The following FTO variants were observed in gnomAD, a reference collection of about 807,000 sequenced individuals.
The protein encoded by FTO is FTO alpha-ketoglutarate dependent dioxygenase, also known as alpha-ketoglutarate-dependent dioxygenase FTO.
In FTO, 47 loss-of-function variants were observed where a neutral mutation model predicts 63.9. The ratio of observed to expected loss-of-function variants is 0.74; its 90% confidence interval spans 0.58 to 0.94. The LOEUF is 0.94. Among genes scored for constraint, FTO ranks in the 40% least tolerant of loss-of-function variants. The probability of loss-of-function intolerance (pLI) is 0.00; values close to 1 mark genes in which losing one functional copy is unlikely to be tolerated. For synonymous variants in FTO, 207 were observed against 224.4 expected (o/e 0.92, Z 0.69); for missense variants, 562 against 618.1 (o/e 0.91, Z 0.96).
intron 4 of FTO, among the ~76,000 whole-genome samples, chr16:53,848,982 T>C (rs2079711887): frequency 6.6e-6 from 1 of 152,246 alleles, no homozygotes. Flanking sequence ...TTGTTGTTAC[T>C]ATACCAATCA....
intron 8 of FTO, among the ~76,000 whole-genome samples, chr16:54,094,201 G>T (rs1487876534): frequency 6.6e-6 from 1 of 152,174 alleles, no homozygotes; most frequent in South Asian, 2.1e-4. Flanking sequence ...AAGATGCCCA[G>T]GTGGGAAACT....
chr16:54,001,055 C>T (rs1009408018), intron 8 of FTO, among the ~76,000 whole-genome samples: 3 of 152,134 alleles, frequency 2.0e-5, no homozygotes, highest in Non-Finnish European at 2.9e-5. Context: ...TATTCCAAGA[C>T]CTTTTCTAGT....
intron 8 of FTO, among the ~76,000 whole-genome samples, chr16:53,959,030 ATAATAC>A (rs1189872775): frequency 6.6e-6 from 1 of 152,216 alleles, no homozygotes; most frequent in African/African-American, 2.4e-5. Flanking sequence ...CTAAATAATA[ATAATAC>A]TAACTAGTAC....
chr16:53,779,676 AAGTCTGGGTC>A (rs1334109969), intron 1 of FTO, among the ~76,000 whole-genome samples: 2 of 152,224 alleles, frequency 1.3e-5, no homozygotes, highest in Non-Finnish European at 2.9e-5. Context: ...TGTAGTGGTA[AAGTCTGGGTC>A]AGCTTTTAGT....
chr16:54,053,159 T>C (rs1458364407), intron 8 of FTO, among the ~76,000 whole-genome samples: 1 of 152,230 alleles, frequency 6.6e-6, no homozygotes, highest in African/African-American at 2.4e-5. Context: ...TGTGTCCATC[T>C]TTCCTCTCTG....
intron 1 of FTO, among the ~76,000 whole-genome samples, chr16:53,809,083 G>T (rs963728434): frequency 6.6e-6 from 1 of 152,138 alleles, no homozygotes; most frequent in African/African-American, 2.4e-5. Flanking sequence ...TGCCCTATAT[G>T]TATCTGATTT....
intron 8 of FTO, among the ~76,000 whole-genome samples, chr16:54,099,955 C>G (rs981070844): frequency 3.9e-5 from 6 of 152,236 alleles, no homozygotes; most frequent in African/African-American, 1.4e-4. Flanking sequence ...ACGTATGTCT[C>G]CCCCACCGCA....
intron 1 of FTO, among the ~76,000 whole-genome samples, chr16:53,730,634 A>G (rs1473194166): frequency 2.0e-5 from 3 of 152,086 alleles, no homozygotes; most frequent in Non-Finnish European, 2.9e-5. Context: ...AGCTGGGACT[A>G]CAGGTGTGCA....
intron 4 of FTO, among the ~76,000 whole-genome samples, chr16:53,867,939 C>A (rs2080376780): frequency 6.6e-6 from 1 of 151,484 alleles, no homozygotes; most frequent in Admixed American, 6.6e-5. Flanking sequence ...TTATGTACTA[C>A]CCCTTTTTCT....
At position 53,739,216 on chromosome 16, in the gene FTO, A is replaced by ATT. The variant is rs2076466696; in HGVS notation, c.45+34989_45+34990dup. The stretch of plus-strand genomic sequence containing the variant: ...TCTTACTATTACTATTTATTTATTT[A>ATT]TTTATTTGAGACGGAGTCTCGCTCT... On this transcript the variant is annotated intron_variant, in intron 1 of 8. Transcript: ENST00000471389. Among the ~76,000 whole-genome samples, 5 of 148,092 alleles carry ATT rather than the reference A, an allele frequency of 3.4e-5. No individual in the cohort carries two copies. In the South Asian group the frequency reaches 1.1e-3, roughly 32 times the overall value.
At chr16:53,786,907 C>G (rs1407357267) in intron 1 of FTO, among the ~76,000 whole-genome samples, 1 of 151,504 alleles carries the variant, frequency 6.6e-6, no homozygotes, top group Admixed American at 6.6e-5. Context: ...GTCAATAGAT[C>G]GAAACTATCC....
intron 4 of FTO, among the ~76,000 whole-genome samples, chr16:53,850,945 G>A (rs2079774927): frequency 6.6e-6 from 1 of 152,054 alleles, no homozygotes; most frequent in African/African-American, 2.4e-5. Flanking sequence ...TTTAAAATGA[G>A]TGAATTGTAT....
intron 8 of FTO, among the ~76,000 whole-genome samples, chr16:53,983,015 A>G (rs2083581944): frequency 6.6e-6 from 1 of 152,116 alleles, no homozygotes; most frequent in South Asian, 2.1e-4. Context: ...GTTTAAAGGT[A>G]TTACACATCA....
In FTO at chr16:54,058,731, C is replaced by A. The variant is rs946848257; in HGVS notation, c.1365-53031C>A. Among the ~76,000 whole-genome samples, 4 of 152,150 alleles carry A rather than the reference C, an allele frequency of 2.6e-5. No homozygotes were observed. In the South Asian group the frequency reaches 8.3e-4, roughly 32 times the overall value. On this transcript the variant is annotated intron_variant, in intron 8 of 8. Transcript: ENST00000471389. Reference sequence around the variant, plus strand: ...CCAAAGATTACTTGGCTTTTCCCCCCACCTCCTGTGCATGAACCGGAGAAT... The same window carrying A: ...CCAAAGATTACTTGGCTTTTCCCCCAACCTCCTGTGCATGAACCGGAGAAT...
intron 8 of FTO, among the ~76,000 whole-genome samples, chr16:53,985,341 T>G (rs1185814163): frequency 6.6e-6 from 1 of 152,204 alleles, no homozygotes; most frequent in Non-Finnish European, 1.5e-5. Flanking sequence ...GTGGCGAAGA[T>G]TCTCTGAGTA....
intron 4 of FTO, among the ~76,000 whole-genome samples, chr16:53,861,330 C>G (rs979843430): frequency 2.0e-5 from 3 of 152,192 alleles, no homozygotes; most frequent in African/African-American, 7.2e-5. Flanking sequence ...CTTTACCCTA[C>G]TGTATACAGT....
Position 53,704,212 on chromosome 16 carries a change from C to G in FTO, c.28C>G (p.Arg10Gly). MKRTPTAEE[R>G]EREAKKLRLL... is the part of the protein sequence containing the mutation. Reference sequence around the variant, plus strand: ...GAAGCGCACCCCGACTGCCGAGGAACGAGAGCGCGAAGCTAAGGTATGTCG... The same window carrying G: ...GAAGCGCACCCCGACTGCCGAGGAAGGAGAGCGCGAAGCTAAGGTATGTCG... The change falls in exon 1 of 9, where the codon CGA (arginine) becomes GGA (glycine). Residue 10 changes from arginine to glycine, a missense_variant. Coordinates refer to ENST00000471389, the MANE Select transcript of FTO (RefSeq NM_001080432.3). The G allele has an allele frequency of 6.4e-7, 1 of 1,551,494 alleles. No homozygotes were observed. The highest frequency in any genetic ancestry group is 1.2e-5 in the South Asian group (1 of 84,056).
chr16:54,081,732 CAG>C (rs2086148739), intron 8 of FTO, among the ~76,000 whole-genome samples: 1 of 152,146 alleles, frequency 6.6e-6, no homozygotes, highest in Non-Finnish European at 1.5e-5. Flanking sequence ...AACAGATGGG[CAG>C]AGTCTATGGA....
At chr16:53,737,430 CAGTAACTTGCTATACA>C (rs539019680) in intron 1 of FTO, among the ~76,000 whole-genome samples, 38 of 152,260 alleles carry the variant, frequency 2.5e-4, no homozygotes, top group African/African-American at 7.9e-4. Context: ...CTGTTTCGTA[CAGTAACTTGCTATACA>C]AGTAACTTGC....
Sources: gnomAD v4.1 joint callset for allele counts (sites outside exome capture counted in the v4.1 genomes callset) on GRCh38, gnomAD v4.1.1 for gene constraint, MANE v1.5 for transcripts, NCBI Gene and HGNC (gene_info 2026-07-23, HGNC 2026-07-21) for gene names.